PCNX2: variants seen among roughly 807,000 people sequenced by gnomAD.
PCNX2 encodes pecanex-like protein 2.
A neutral mutation model predicts 223.8 loss-of-function variants in PCNX2; 168 were observed. The ratio of observed to expected loss-of-function variants is 0.75; its 90% CI spans 0.66 to 0.85. The LOEUF is 0.85. PCNX2 is among the 40% of genes least tolerant of loss of function. The pLI is 0.00. For missense variants in PCNX2, 2,507 were observed against 2,675.5 expected (o/e 0.94, Z 1.39); for synonymous variants, 1,006 against 1,052.6 (o/e 0.96, Z 0.86).
rs547955017 is a variant in PCNX2, at chr1:233,081,339, C to T, written c.4076+8722G>A. On this transcript the variant is annotated intron_variant, in intron 23 of 33. Coordinates refer to ENST00000258229, the MANE Select transcript of PCNX2 (RefSeq NM_014801.4). ...CCAGCCTGGGCTGTAAAGTGAGACT[C>T]CATCTCAAAAATAAAAAAATAAAAA... Among the ~76,000 whole-genome samples, 203 of 150,994 alleles carry T rather than the reference C, an allele frequency of 1.3e-3. 1 individual carries two copies. The highest frequency in any genetic ancestry group is 4.9e-3 in the African/African-American group (198 of 40,668).
chr1:233,286,515 A>T (rs1661453502), intron 1 of PCNX2, among the ~76,000 whole-genome samples: 1 of 152,162 alleles, frequency 6.6e-6, no homozygotes, highest in South Asian at 2.1e-4. Flanking sequence ...GACATGGACT[A>T]TGTACGCGAG....
intron 9 of PCNX2, 36 bp from the exon 10 acceptor site, chr1:233,227,407 C>T: frequency 6.3e-7 from 1 of 1,592,580 alleles, no homozygotes; most frequent in Admixed American, 1.8e-5. Context: ...GAAAAAAGGG[C>T]TTTATGTTGT....
At position 233,126,372 on chromosome 1, in the gene PCNX2, C is replaced by G. The variant is rs375694969; in HGVS notation, c.3837+8641G>C. 8.5e-5 allele frequency among the ~76,000 whole-genome samples: 13 copies of G among 152,228 alleles called. No homozygotes were observed. Among genetic ancestry groups the G allele is most frequent in the South Asian group, 6.2e-4 (3 of 4,820 alleles). ...ATTATGGTATATGCTATAGCATTCT[C>G]TGCAGGGGTCAAAAGGAAGAGGCAA... On this transcript the variant is annotated intron_variant, in intron 21 of 33. Coordinates refer to ENST00000258229, the MANE Select transcript of PCNX2 (RefSeq NM_014801.4). The surrounding 1 kb of genome is among the most constrained non-coding windows in gnomAD (Gnocchi z 4.8).
intron 12 of PCNX2, among the ~76,000 whole-genome samples, chr1:233,214,521 A>T (rs896631265): frequency 6.6e-6 from 1 of 152,178 alleles, no homozygotes; most frequent in Non-Finnish European, 1.5e-5. Flanking sequence ...GGAGGGGGGA[A>T]ATCGAGCTCT....
intron 25 of PCNX2, among the ~76,000 whole-genome samples, chr1:233,027,534 A>G (rs998077494): frequency 6.6e-6 from 1 of 152,200 alleles, no homozygotes; most frequent in Non-Finnish European, 1.5e-5. Context: ...TCTATTTTCT[A>G]GAGAAACCAT....
At chr1:233,110,969 A>C (rs1442078531) in intron 21 of PCNX2, among the ~76,000 whole-genome samples, 1 of 152,160 alleles carries the variant, frequency 6.6e-6, no homozygotes, top group East Asian at 1.9e-4. Context: ...TGGCACAAAT[A>C]ATATGTCAGT....
chr1:233,141,064 T>A (rs1224229965), intron 19 of PCNX2, among the ~76,000 whole-genome samples: 1 of 152,076 alleles, frequency 6.6e-6, no homozygotes, highest in Non-Finnish European at 1.5e-5. Context: ...TACCCTACAA[T>A]GACCTAGAGT....
intron 25 of PCNX2, among the ~76,000 whole-genome samples, chr1:233,040,392 C>T (rs752361419): frequency 2.6e-5 from 4 of 152,184 alleles, no homozygotes; most frequent in Non-Finnish European, 5.9e-5. Flanking sequence ...ATGCAGTTCA[C>T]GTCATTTGCT....
intron 8 of PCNX2, among the ~76,000 whole-genome samples, chr1:233,245,361 C>G (rs1659044890): frequency 1.3e-5 from 2 of 152,228 alleles, no homozygotes; most frequent in Admixed American, 6.5e-5. Context: ...AGAAGCATAA[C>G]AGAGGCAGAT....
rs1000326078 is a variant in PCNX2 at position 233,083,695 on chromosome 1, A to G, written c.4076+6366T>C. 4.6e-5 allele frequency among the ~76,000 whole-genome samples: 7 copies of G among 152,202 alleles called. 1 individual carries two copies. The East Asian group carries it at 1.3e-3, about 29-fold the overall frequency. ...TAAAACCGTGGGACTTAGAGAGCCT[A>G]TTATTCCATAAAGGCAGCTGTGATG... On this transcript the variant is annotated intron_variant, in intron 23 of 33. Coordinates refer to ENST00000258229, the MANE Select transcript of PCNX2 (RefSeq NM_014801.4).
At chr1:233,266,098 A>T (rs1296104130) in intron 1 of PCNX2, among the ~76,000 whole-genome samples, 1 of 152,234 alleles carries the variant, frequency 6.6e-6, no homozygotes, top group Non-Finnish European at 1.5e-5. Context: ...GGACCTGACC[A>T]GACCATAGTG....
intron 15 of PCNX2, among the ~76,000 whole-genome samples, chr1:233,193,510 A>G (rs941723606): frequency 6.6e-5 from 10 of 152,296 alleles, no homozygotes; most frequent in African/African-American, 2.4e-4. Context: ...AAAATTCAAC[A>G]AAGAAATTTT....
At position 233,156,851 on chromosome 1, in the gene PCNX2, G is replaced by A. The variant is rs181361630; in HGVS notation, c.3517+3432C>T. On this transcript the variant is annotated intron_variant, in intron 19 of 33. Transcript: ENST00000258229. Reference sequence around the variant, plus strand: ...GAGAATCACTTGAACCCAGGAGGCAGAGGTTGCAGTGAGCCGAGATTGCAC... The same window carrying A: ...GAGAATCACTTGAACCCAGGAGGCAAAGGTTGCAGTGAGCCGAGATTGCAC... Among the ~76,000 whole-genome samples, 774 of 152,294 alleles carry A rather than the reference G, an allele frequency of 5.1e-3. 4 individuals are homozygous for A. Among genetic ancestry groups the A allele is most frequent in the Middle Eastern group, 0.01 (3 of 294 alleles).
chr1:233,226,653 T>C (rs1657739543), intron 10 of PCNX2, among the ~76,000 whole-genome samples: 1 of 152,158 alleles, frequency 6.6e-6, no homozygotes, highest in South Asian at 2.1e-4. Context: ...AACGTTTTGC[T>C]GTATGGAACA....
intron 30 of PCNX2, among the ~76,000 whole-genome samples, chr1:232,999,781 G>C (rs562157460): frequency 3.3e-5 from 5 of 152,260 alleles, no homozygotes; most frequent in Non-Finnish European, 7.4e-5. Context: ...CAAAACTTTG[G>C]TGTAAAGCTC....
At chr1:233,082,044 A>G (rs1011914094) in intron 23 of PCNX2, among the ~76,000 whole-genome samples, 24 of 151,962 alleles carry the variant, frequency 1.6e-4, no homozygotes, top group African/African-American at 5.3e-4. Flanking sequence ...TTCAGGATAT[A>G]ACAGGAAGCA....
rs764600803 is a variant in PCNX2, at chr1:233,135,033, C to A, written c.3817G>T (p.Val1273Leu). 8.1e-6 allele frequency: 13 copies of A among 1,609,030 alleles called. No homozygotes were observed. Among genetic ancestry groups the A allele is most frequent in the Non-Finnish European group, 1.0e-5 (12 of 1,175,466 alleles). Residue 1273 changes from valine to leucine, a missense_variant, in exon 21 of 34, where the codon GTG (valine) becomes TTG (leucine). Val to Leu is a conservative substitution (Grantham distance 32, BLOSUM62 1). Transcript: ENST00000258229. ...CTTGCCTTGCTAAATAAAATGGACA[C>A]CATGAAGAAATCCAGTAAGAAGCTC... ...SESFLLDFFM[V>L]SILFSKLGDL... is the part of the protein sequence containing the mutation.
chr1:233,073,996 T>C (rs1326846446), intron 23 of PCNX2, among the ~76,000 whole-genome samples: 2 of 152,182 alleles, frequency 1.3e-5, no homozygotes, highest in African/African-American at 4.8e-5. Flanking sequence ...CCATAAGTTT[T>C]AATAAATTAT....
At chr1:233,144,961 T>TG (rs1571961997) in intron 19 of PCNX2, among the ~76,000 whole-genome samples, 1 of 108,206 alleles carries the variant, frequency 9.2e-6, no homozygotes, top group East Asian at 3.0e-4. Context: ...TTGTTTTTTT[T>TG]TTTTGTTTCT....
Sources: allele counts gnomAD v4.1 joint callset (sites outside exome capture counted in the v4.1 genomes callset), GRCh38; gene constraint gnomAD v4.1.1; non-coding constraint Gnocchi (gnomAD v3.1); transcripts MANE v1.5; gene names NCBI Gene and HGNC (gene_info 2026-07-23, HGNC 2026-07-21).